Variants in RP1L1 observed in about 807,000 individuals in gnomAD.
RP1L1 encodes retinitis pigmentosa 1-like 1 protein.
In RP1L1, 27 loss-of-function variants were observed where a neutral mutation model predicts 15.7. That is an observed-to-expected ratio of 1.72 (90% CI 1.27 to 2.38). The LOEUF is 2.38. Ranked by LOEUF, RP1L1 falls within the 30% of genes most tolerant of loss-of-function variation. The probability of loss-of-function intolerance (pLI) is 0.00; values close to 1 mark genes in which losing one functional copy is unlikely to be tolerated. For synonymous variants in RP1L1, 1,813 were observed against 1,276.7 expected (o/e 1.42, Z -8.96); for missense variants, 4,798 against 3,075.9 (o/e 1.56, Z -13.24).
In RP1L1 at chr8:10,612,661, C is replaced by T. The variant is rs1312611287; in HGVS notation, c.1437G>A (p.Gly479=). 3 of 1,601,288 alleles carry T rather than the reference C, an allele frequency of 1.9e-6. No individual in the cohort carries two copies. The highest frequency in any genetic ancestry group is 3.3e-5 in the Admixed American group (2 of 59,914). The change falls in exon 4 of 4, where the codon GGG becomes GGA. Residue 479 remains glycine, a synonymous_variant. Coordinates refer to ENST00000382483, the MANE Select transcript of RP1L1 (RefSeq NM_178857.6). ...GGGCAGAGGGGCTGGCACTGTCCAC[C>T]CCGTCCTCCGGGGTCCTGGGGCAGC... ...SSCCPRTPED[G]VDSASPSAQI...
Position 10,606,954 on chromosome 8 carries a change from C to A in RP1L1, c.7144G>T (p.Ala2382Ser), listed in dbSNP as rs776156711. ...GCCCTGCCCACTGCCTCAGTGGGGG[C>A]GAGACTTCCGAGTGCCTGGTCCTCT... ...LQEDQALGSLAPTEAVGRADG... is the reference protein window; with the variant it reads ...LQEDQALGSLSPTEAVGRADG... The change falls in exon 4 of 4, where the codon GCC becomes TCC. Residue 2382 changes from alanine (A) to serine (S), a missense_variant. Physicochemically the swap from Ala to Ser is moderately conservative, Grantham distance 99. Transcript: ENST00000382483. 1.5e-5 allele frequency: 25 copies of A among 1,614,208 alleles called. No individual in the cohort carries two copies. The highest frequency in any genetic ancestry group is 1.9e-5 in the Non-Finnish European group (23 of 1,180,038).
chr8:10,633,074 G>C (rs1475158213), intron 1 of RP1L1, among the ~76,000 whole-genome samples: 1 of 152,190 alleles, frequency 6.6e-6, no homozygotes, highest in African/African-American at 2.4e-5. Flanking sequence ...CCAATTCTCT[G>C]CATCCAACAG....
Position 10,608,837 on chromosome 8 carries a change from C to T in RP1L1, c.5261G>A (p.Arg1754Lys), listed in dbSNP as rs1371997841. Residue 1754 changes from arginine (R) to lysine (K), a missense_variant, in exon 4 of 4, where the codon AGA (arginine) becomes AAA (lysine). Physicochemically the swap from Arg to Lys is conservative, Grantham distance 26. Coordinates refer to ENST00000382483, the MANE Select transcript of RP1L1 (RefSeq NM_178857.6). ...EDGEGSQRLN[R>K]DKDPKLGEAE... Reference sequence around the variant, plus strand: ...CTCCCCGAGTTTGGGATCTTTGTCTCTGTTGAGTCTCTGGCTCCCCTCGCC... The same window carrying T: ...CTCCCCGAGTTTGGGATCTTTGTCTTTGTTGAGTCTCTGGCTCCCCTCGCC... 1.2e-6 allele frequency: 2 copies of T among 1,614,088 alleles called. No individual in the cohort carries two copies. The highest frequency in any genetic ancestry group is 2.7e-5 in the African/African-American group (2 of 75,032).
rs192929426 is a variant in RP1L1 at position 10,620,693 on chromosome 8, A to T, written c.609+1900T>A. Among the ~76,000 whole-genome samples the T allele has an allele frequency of 2.2e-3, 336 of 152,316 alleles. 2 individuals are homozygous for T. The highest frequency in any genetic ancestry group is 7.3e-3 in the African/African-American group (304 of 41,574). ...CCATACAAGGCTTCTCATGACAATG[A>T]GCCAATAGGCAACAAGGAAGTTCTG... On this transcript the variant is annotated intron_variant, in intron 2 of 3. Coordinates refer to ENST00000382483, the MANE Select transcript of RP1L1 (RefSeq NM_178857.6).
rs200671443 is a variant in RP1L1, at chr8:10,608,844, G to A, written c.5254C>T (p.Leu1752Phe). The A allele has an allele frequency of 1.9e-6, 3 of 1,613,954 alleles. No homozygotes were observed. The highest frequency in any genetic ancestry group is 2.7e-5 in the African/African-American group (2 of 74,898). ...EGEDGEGSQRLNRDKDPKLGE... is the reference protein window; with the variant it reads ...EGEDGEGSQRFNRDKDPKLGE... ...AGTTTGGGATCTTTGTCTCTGTTGA[G>A]TCTCTGGCTCCCCTCGCCATCCTCA... Residue 1752 changes from leucine (L) to phenylalanine (F), a missense_variant, in exon 4 of 4, where the codon CTC (leucine) becomes TTC (phenylalanine). Transcript: ENST00000382483.
In RP1L1 at chr8:10,608,966, C is replaced by T. The variant is rs200635063; in HGVS notation, c.5132G>A (p.Gly1711Asp). ...TDGEAAEVAP[G>D]KTHTDPTSTR... is the part of the protein sequence containing the mutation. ...GCTCGTGGGGTCCGTGTGGGTCTTG[C>T]CAGGGGCCACCTCTGCTGCCTCCCC... Residue 1711 changes from glycine to aspartate, a missense_variant, in exon 4 of 4, where the codon GGC becomes GAC. By Grantham distance (94) the Gly-to-Asp change is moderately conservative (BLOSUM62 -1). Transcript: ENST00000382483. The T allele has an allele frequency of 2.5e-6, 4 of 1,613,606 alleles. No homozygotes were observed. The highest frequency in any genetic ancestry group is 2.5e-6 in the Non-Finnish European group (3 of 1,179,606).
rs796690461 is a variant in RP1L1 at position 10,653,441 on chromosome 8, C to T, written c.-20+1457G>A. Among the ~76,000 whole-genome samples the T allele has an allele frequency of 1.1e-4, 17 of 151,090 alleles. 1 individual carries two copies. The highest frequency in any genetic ancestry group is 4.1e-4 in the African/African-American group (17 of 41,184). ...TGCAGGTCCAGGGATCCCTCCAAAACACCAGGTGTCTCCCTCCAACACACA... is the reference window on the plus strand; with the variant it reads ...TGCAGGTCCAGGGATCCCTCCAAAATACCAGGTGTCTCCCTCCAACACACA... On this transcript the variant is annotated intron_variant, in intron 1 of 3. Transcript: ENST00000382483.
At chr8:10,647,141 CGCCACG>C (rs1563141433) in intron 1 of RP1L1, among the ~76,000 whole-genome samples, 2 of 152,182 alleles carry the variant, frequency 1.3e-5, no homozygotes. Context: ...TCCACTGAGG[CGCCACG>C]GCAGCCCAGC....
rs200635063 is a variant in RP1L1 at position 10,608,966 on chromosome 8, C to G, written c.5132G>C (p.Gly1711Ala). The G allele has an allele frequency of 1.7e-4, 270 of 1,613,606 alleles. 1 individual carries two copies. The East Asian group carries it at 5.1e-3, about 31-fold the overall frequency. Reference protein sequence around the residue: ...TDGEAAEVAPGKTHTDPTSTR... With the variant: ...TDGEAAEVAPAKTHTDPTSTR... The stretch of plus-strand genomic sequence containing the variant: ...GCTCGTGGGGTCCGTGTGGGTCTTG[C>G]CAGGGGCCACCTCTGCTGCCTCCCC... The change falls in exon 4 of 4, where the codon GGC (glycine) becomes GCC (alanine). Residue 1711 changes from glycine to alanine, a missense_variant. Physicochemically the swap from Gly to Ala is moderately conservative, Grantham distance 60. Transcript: ENST00000382483.
In RP1L1 at chr8:10,611,582, C is replaced by T. The variant is rs375534027; in HGVS notation, c.2516G>A (p.Arg839Gln). 33 of 1,609,800 alleles carry T rather than the reference C, an allele frequency of 2.0e-5. No homozygotes were observed. The African/African-American group carries it at 2.5e-4, about 12-fold the overall frequency. ...CCAGCTAGCCTCAGGGGAGGGTCCC[C>T]GCTGGGCCTCTTGGGCCGGCTGCGT... is the stretch of plus-strand genomic sequence containing the variant. ...PGTQPAQEAQ[R>Q]GPSPEASWLC... is the part of the protein sequence containing the mutation. Residue 839 changes from arginine (R) to glutamine (Q), a missense_variant, in exon 4 of 4, where the codon CGG (arginine) becomes CAG (glutamine). Transcript: ENST00000382483.
chr8:10,650,295 G>A (rs758404829), intron 1 of RP1L1, among the ~76,000 whole-genome samples: 5 of 152,112 alleles, frequency 3.3e-5, no homozygotes, highest in Non-Finnish European at 7.4e-5. Flanking sequence ...CATTCTTCAA[G>A]CCACTTTTAG....
At chr8:10,647,852 T>C (rs1017505126) in intron 1 of RP1L1, among the ~76,000 whole-genome samples, 6 of 152,346 alleles carry the variant, frequency 3.9e-5, no homozygotes, top group East Asian at 1.9e-4. Context: ...TCTGGGCATA[T>C]ACCTAGAAGA....
At chr8:10,616,263 A>C (rs1455985267) in intron 3 of RP1L1, among the ~76,000 whole-genome samples, 183 bp downstream of exon 3, 4 of 152,104 alleles carry the variant, frequency 2.6e-5, no homozygotes, top group Non-Finnish European at 4.4e-5. Flanking sequence ...CAAATGTTGA[A>C]CCCAAGTAAG....
intron 1 of RP1L1, among the ~76,000 whole-genome samples, chr8:10,628,651 C>T (rs1798194574): frequency 6.6e-6 from 1 of 152,174 alleles, no homozygotes; most frequent in Admixed American, 6.5e-5. Context: ...AATCACGTTC[C>T]TGAATATAGA....
chr8:10,631,375 A>T (rs62492263), intron 1 of RP1L1, among the ~76,000 whole-genome samples: 5 of 6,192 alleles, frequency 8.1e-4, no homozygotes, highest in African/African-American at 1.4e-3. Context: ...ACACATGCAC[A>T]CAAACACACA....
chr8:10,648,343 T>G (rs78405512), intron 1 of RP1L1, among the ~76,000 whole-genome samples: 4,298 of 151,780 alleles, frequency 0.028, 218 homozygotes, highest in Admixed American at 0.11. Flanking sequence ...ATTTTCTGGG[T>G]TTTTTTGTTT....
In RP1L1 at chr8:10,613,362, G is replaced by A. The variant is rs1473548822; in HGVS notation, c.752-16C>T. 6.3e-7 allele frequency: 1 copy of A among 1,599,228 alleles called. No homozygotes were observed. Among genetic ancestry groups the A allele is most frequent in the South Asian group, 1.1e-5 (1 of 91,084 alleles). On this transcript the variant is annotated splice_polypyrimidine_tract_variant and intron_variant, in intron 3 of 3. Coordinates refer to ENST00000382483, the MANE Select transcript of RP1L1 (RefSeq NM_178857.6). ...CCCCAGCTCCCTGGCACGCAGTGAA[G>A]AGGAAAAGAAAAGAAGAAAAGACTG... is the stretch of plus-strand genomic sequence containing the variant.
In RP1L1 at chr8:10,609,473, C is replaced by T. The variant is rs748980412; in HGVS notation, c.4625G>A (p.Arg1542Gln). 23 of 1,611,954 alleles carry T rather than the reference C, an allele frequency of 1.4e-5. No homozygotes were observed. The highest frequency in any genetic ancestry group is 9.3e-5 in the African/African-American group (7 of 74,930). ...ATTGTCCTGCAGGCCCCAGCGTGCTCGGAGCTCAGCCACCGCACTGGCAAG... is the reference window on the plus strand; with the variant it reads ...ATTGTCCTGCAGGCCCCAGCGTGCTTGGAGCTCAGCCACCGCACTGGCAAG... ...AHLASAVAEL[R>Q]ARWGLQDNDL... The change falls in exon 4 of 4, where the codon CGA becomes CAA. Residue 1542 changes from arginine to glutamine, a missense_variant. By Grantham distance (43) the Arg-to-Gln change is conservative. Transcript: ENST00000382483.
rs1333620833 is a variant in RP1L1, at chr8:10,610,099, T to A, written c.3999A>T (p.Glu1333Asp). ...TAGTTTCCTCTAACTGCACCCCCTC[T>A]TCTTGCAGCCCTTCTTCTGTTTTAG... Reference protein sequence around the residue: ...EETKTEEGLQEEGVQLEETKE... With the variant: ...EETKTEEGLQDEGVQLEETKE... The change falls in exon 4 of 4, where the codon GAA becomes GAT. Residue 1333 changes from glutamate to aspartate, a missense_variant. Coordinates refer to ENST00000382483, the MANE Select transcript of RP1L1 (RefSeq NM_178857.6). 9 of 1,477,108 alleles carry A rather than the reference T, an allele frequency of 6.1e-6. 2 individuals carry two copies. Among genetic ancestry groups the A allele is most frequent in the Admixed American group, 4.0e-5 (2 of 49,912 alleles). 91.5% of individuals were successfully genotyped at this position (1,477,108 alleles called of 1,614,324 possible).
Sources: allele counts gnomAD v4.1 joint callset (sites outside exome capture counted in the v4.1 genomes callset), GRCh38; gene constraint gnomAD v4.1.1; transcripts MANE v1.5; gene names NCBI Gene and HGNC (gene_info 2026-07-23, HGNC 2026-07-21).